Variants in AGMO observed in about 807,000 individuals in gnomAD.
The protein encoded by AGMO is alkylglycerol monooxygenase.
AGMO carries 75 observed loss-of-function variants against 60.2 expected under a neutral mutation model. That is an observed-to-expected ratio of 1.25 (90% CI 1.03 to 1.51). The LOEUF (loss-of-function observed/expected upper bound fraction) is 1.51, where lower values mean the gene tolerates loss of function less well. Among genes scored for constraint, AGMO ranks in the 40% most tolerant of loss-of-function variants. AGMO has a pLI of 0.00. For missense variants in AGMO, 763 were observed against 525.5 expected (o/e 1.45, Z -4.42); for synonymous variants, 261 against 177.1 (o/e 1.47, Z -3.76).
intron 12 of AGMO, among the ~76,000 whole-genome samples, chr7:15,346,439 G>A (rs150423339): frequency 1.2e-4 from 18 of 151,894 alleles, no homozygotes; most frequent in African/African-American, 4.3e-4. Context: ...CACGTGTTTT[G>A]TGCTTAGGAT....
chr7:15,203,837 G>T (rs1781371692), intron 12 of AGMO, among the ~76,000 whole-genome samples: 1 of 152,022 alleles, frequency 6.6e-6, no homozygotes, highest in African/African-American at 2.4e-5. Context: ...CAAAACCTAG[G>T]AAATCATTTC....
In AGMO at chr7:15,232,066, C is replaced by A. The variant is rs116158022; in HGVS notation, c.1264-30707G>T. Among the ~76,000 whole-genome samples, 351 of 152,290 alleles carry A rather than the reference C, an allele frequency of 2.3e-3. 1 individual carries two copies. Among genetic ancestry groups the A allele is most frequent in the African/African-American group, 8.0e-3 (331 of 41,574 alleles). On this transcript the variant is annotated intron_variant, in intron 12 of 12. Coordinates refer to ENST00000342526, the MANE Select transcript of AGMO (RefSeq NM_001004320.2). ...TTGTATCTGTTTTCAATCTCTCTCA[C>A]AAAATCATAAGCGATTTTTTATTTC...
intron 12 of AGMO, among the ~76,000 whole-genome samples, chr7:15,346,795 C>T (rs1410938814): frequency 1.3e-5 from 2 of 151,744 alleles, no homozygotes; most frequent in African/African-American, 4.8e-5. Context: ...AACAAGTTGT[C>T]TGAATTGAAC....
At chr7:15,234,668 G>C (rs917435937) in intron 12 of AGMO, among the ~76,000 whole-genome samples, 1 of 152,102 alleles carries the variant, frequency 6.6e-6, no homozygotes, top group Non-Finnish European at 1.5e-5. Context: ...ATATGGTCTT[G>C]GTCACAACTA....
At chr7:15,560,041 T>C in intron 2 of AGMO, 100 bp downstream of exon 2, 1 of 1,186,326 alleles carries the variant, frequency 8.4e-7, no homozygotes, top group Non-Finnish European at 1.1e-6. Context: ...TGGGAAAATT[T>C]GTGTAAATAA....
intron 3 of AGMO, among the ~76,000 whole-genome samples, chr7:15,510,739 G>A (rs1783649397): frequency 6.7e-6 from 1 of 150,064 alleles, no homozygotes; most frequent in Non-Finnish European, 1.5e-5. Flanking sequence ...ATCAAAAACT[G>A]TTAAGTCTCT....
At chr7:15,543,913 C>A (rs1206789536) in intron 3 of AGMO, among the ~76,000 whole-genome samples, 2 of 151,656 alleles carry the variant, frequency 1.3e-5, no homozygotes, top group Non-Finnish European at 2.9e-5. Context: ...ACTAGTTTAC[C>A]TTCCTACCAA....
At chr7:15,320,383 C>A (rs1781072000) in intron 12 of AGMO, among the ~76,000 whole-genome samples, 1 of 151,902 alleles carries the variant, frequency 6.6e-6, no homozygotes, top group Non-Finnish European at 1.5e-5. Context: ...GTCACCATTT[C>A]TTATTTCTGG....
chr7:15,368,813 A>G (rs957441159), intron 10 of AGMO, among the ~76,000 whole-genome samples: 2 of 152,172 alleles, frequency 1.3e-5, no homozygotes, highest in Non-Finnish European at 2.9e-5. Context: ...TAGGAAATCT[A>G]TGATCCCTGG....
chr7:15,273,466 G>GT (rs1220828884), intron 12 of AGMO, among the ~76,000 whole-genome samples: 10 of 152,066 alleles, frequency 6.6e-5, no homozygotes, highest in Admixed American at 6.5e-4. Context: ...GCTTTGTTTT[G>GT]TTCCACTGGT....
the AGMO span, among the ~76,000 whole-genome samples, chr7:15,166,462 A>G: frequency 6.6e-6 from 1 of 152,208 alleles, no homozygotes. Flanking sequence ...GAAGGCATCC[A>G]TCATACAATG....
At chr7:15,372,121 GACT>G (rs1783243236) in intron 10 of AGMO, among the ~76,000 whole-genome samples, 1 of 150,888 alleles carries the variant, frequency 6.6e-6, no homozygotes, top group African/African-American at 2.4e-5. Context: ...TCCTTTGATA[GACT>G]ACTAAGGGAG....
At chr7:15,389,907 CGAA>C (rs1313364167) in intron 8 of AGMO, among the ~76,000 whole-genome samples, 1 of 152,108 alleles carries the variant, frequency 6.6e-6, no homozygotes, top group Non-Finnish European at 1.5e-5. Context: ...CAGTGAAACT[CGAA>C]GTAGTCTGGA....
chr7:15,502,774 C>A (rs78209734), intron 3 of AGMO, among the ~76,000 whole-genome samples: 2 of 151,960 alleles, frequency 1.3e-5, no homozygotes, highest in Non-Finnish European at 2.9e-5. Context: ...AGAGAAAATT[C>A]TTTTCTTTCT....
chr7:15,542,645 T>C (rs555630466), intron 3 of AGMO, among the ~76,000 whole-genome samples: 20 of 152,312 alleles, frequency 1.3e-4, no homozygotes, highest in South Asian at 8.3e-4. Context: ...CTTTGTTGCA[T>C]AGAAAATGAG....
At chr7:15,459,232 C>T (rs1782072642) in intron 3 of AGMO, among the ~76,000 whole-genome samples, 2 of 152,088 alleles carry the variant, frequency 1.3e-5, no homozygotes, top group African/African-American at 2.4e-5. Context: ...AATAAAATCA[C>T]CCAATGAGTT....
chr7:15,211,585 C>T (rs890981323), intron 12 of AGMO, among the ~76,000 whole-genome samples: 4 of 151,538 alleles, frequency 2.6e-5, no homozygotes, highest in African/African-American at 9.7e-5. Flanking sequence ...TTATACAAGC[C>T]TTTTGAAACA....
intron 3 of AGMO, among the ~76,000 whole-genome samples, chr7:15,531,922 G>A (rs1280756171): frequency 2.0e-5 from 3 of 151,766 alleles, no homozygotes; most frequent in African/African-American, 7.3e-5. Context: ...GCCTGCCTTG[G>A]CCTCCCAGAA....
At chr7:15,311,664 G>A (rs925852587) in intron 12 of AGMO, among the ~76,000 whole-genome samples, 22 of 152,042 alleles carry the variant, frequency 1.4e-4, no homozygotes, top group Admixed American at 7.9e-4. Flanking sequence ...TTAATAAACC[G>A]CTATATAAAT....
Sources: allele counts gnomAD v4.1 joint callset (sites outside exome capture counted in the v4.1 genomes callset), GRCh38; gene constraint gnomAD v4.1.1; transcripts MANE v1.5; gene names NCBI Gene and HGNC (gene_info 2026-07-23, HGNC 2026-07-21).